WIPI1: variants seen among roughly 807,000 people sequenced by gnomAD.
The protein encoded by WIPI1 is WD repeat domain phosphoinositide-interacting protein 1.
In WIPI1, 45 loss-of-function variants were observed where a neutral mutation model predicts 55.3. That is an observed-to-expected ratio of 0.81 (90% CI 0.64 to 1.04). The LOEUF is 1.04. Ranked by LOEUF, WIPI1 falls within the 50% of genes least tolerant of loss-of-function variation. WIPI1 has a pLI of 0.00. For missense variants in WIPI1, 445 were observed against 559.0 expected (o/e 0.80, Z 2.06); for synonymous variants, 195 against 217.6 (o/e 0.90, Z 0.92).
In WIPI1 at chr17:68,438,085, A is replaced by G. The variant is rs372839797; in HGVS notation, c.431-1606T>C. ...CTCAACTAATCTGCTGAGGAAGGAG[A>G]GCAAAGGAAAAAGAAAGTAAACATT... On this transcript the variant is annotated intron_variant, in intron 4 of 12. Coordinates refer to ENST00000262139, the MANE Select transcript of WIPI1 (RefSeq NM_017983.7). 1.3e-4 allele frequency among the ~76,000 whole-genome samples: 20 copies of G among 152,184 alleles called. No individual in the cohort carries two copies. In the East Asian group the frequency reaches 1.5e-3, roughly 12 times the overall value.
intron 1 of WIPI1, among the ~76,000 whole-genome samples, chr17:68,454,137 C>G (rs892472475): frequency 6.6e-6 from 1 of 152,154 alleles, no homozygotes; most frequent in East Asian, 1.9e-4. Context: ...TCCAGATTTT[C>G]TTGGCCTTGT....
intron 3 of WIPI1, among the ~76,000 whole-genome samples, chr17:68,445,250 C>T (rs1291297220): frequency 2.0e-5 from 3 of 152,222 alleles, no homozygotes; most frequent in African/African-American, 4.8e-5. Flanking sequence ...ATCAGACCCC[C>T]TGTGCCATGT....
At position 68,423,522 on chromosome 17, in the gene WIPI1, T is replaced by C. The variant is rs2082947040; in HGVS notation, c.1294-1702A>G. 6.6e-6 allele frequency among the ~76,000 whole-genome samples: 1 copy of C among 152,218 alleles called. No individual in the cohort carries two copies. Among genetic ancestry groups the C allele is most frequent in the Admixed American group, 6.5e-5 (1 of 15,282 alleles). ...ACTCACAAGGGTCTAACACCTGTTCTAGGGACCTTGTTCAGTGACCACTCT... is the reference window on the plus strand; with the variant it reads ...ACTCACAAGGGTCTAACACCTGTTCCAGGGACCTTGTTCAGTGACCACTCT... On this transcript the variant is annotated intron_variant, in intron 12 of 12. Coordinates refer to ENST00000262139, the MANE Select transcript of WIPI1 (RefSeq NM_017983.7). This position sits in a 1 kb window ranked among gnomAD's most constrained non-coding sequence, Gnocchi z 4.4.
intron 12 of WIPI1, among the ~76,000 whole-genome samples, chr17:68,425,745 G>C (rs553076024): frequency 2.0e-5 from 3 of 152,134 alleles, no homozygotes; most frequent in Non-Finnish European, 2.9e-5. Context: ...GACAAGTCAC[G>C]TGTTCCTACC....
intron 1 of WIPI1, among the ~76,000 whole-genome samples, chr17:68,454,784 C>G (rs2084604698): frequency 6.6e-6 from 1 of 152,162 alleles, no homozygotes; most frequent in Non-Finnish European, 1.5e-5. Flanking sequence ...AATACTGTAA[C>G]TAGAGTCTTA....
At position 68,430,088 on chromosome 17, in the gene WIPI1, A is replaced by G. The variant is rs2147814501; in HGVS notation, c.873T>C (p.Pro291=). 1 of 1,614,162 alleles carries G rather than the reference A, an allele frequency of 6.2e-7. No homozygotes were observed. The highest frequency in any genetic ancestry group is 8.5e-7 in the Non-Finnish European group (1 of 1,180,026). ...GATGCATCATGTCTGACACCTGGGT[A>G]GGGAGGTAGTTGGTAGCAGCCATAA... ...KMFMAATNYL[P]TQVSDMMHQD... Residue 291 remains proline (P), a synonymous_variant, in exon 9 of 13, where the codon CCT becomes CCC. Coordinates refer to ENST00000262139, the MANE Select transcript of WIPI1 (RefSeq NM_017983.7).
chr17:68,424,620 A>G (rs1375220779), intron 12 of WIPI1: 1 of 442,586 alleles, frequency 2.3e-6, no homozygotes, highest in African/African-American at 2.0e-5. Context: ...TCACGCCTGT[A>G]ATCCTAGCAC....
rs1408762053 is a variant in WIPI1 at position 68,436,363 on chromosome 17, C to T, written c.528+19G>A. 1.2e-6 allele frequency: 2 copies of T among 1,612,114 alleles called. No individual in the cohort carries two copies. Among genetic ancestry groups the T allele is most frequent in the South Asian group, 1.1e-5 (1 of 91,028 alleles). On this transcript the variant is annotated intron_variant, in intron 5 of 12. Coordinates refer to ENST00000262139, the MANE Select transcript of WIPI1 (RefSeq NM_017983.7). ...GCCAAGGCAGGTGGGTTGGCTCAGC[C>T]AGGTCACCGTCAACTTACCAGGGAG...
At chr17:68,436,229 G>A (rs2082758506) in intron 5 of WIPI1, among the ~76,000 whole-genome samples, 153 bp downstream of exon 5, 2 of 152,176 alleles carry the variant, frequency 1.3e-5, no homozygotes, top group South Asian at 2.1e-4. Context: ...CAAGCCCGAG[G>A]GGAAATAGTA....
At chr17:68,454,728 G>T (rs958217115) in intron 1 of WIPI1, among the ~76,000 whole-genome samples, 1 of 152,216 alleles carries the variant, frequency 6.6e-6, no homozygotes, top group African/African-American at 2.4e-5. Context: ...ATATAGATGT[G>T]TTTGGCTGCG....
rs1309871891 is a variant in WIPI1, at chr17:68,435,651, G to C, written c.590C>G (p.Ser197Ter). 5 of 1,614,124 alleles carry C rather than the reference G, an allele frequency of 3.1e-6. No individual in the cohort carries two copies. The highest frequency in any genetic ancestry group is 4.2e-6 in the Non-Finnish European group (5 of 1,180,052). ...AGACGCACTTGCTAGTTTGGAGCCT[G>C]AGGCATTGAAGGTGATGGCAGCTAG... ...GTLAAITFNA[S>*]GSKLASASEK... The change falls in exon 6 of 13, where the codon TCA becomes TGA. Residue 197 changes from serine (S) to a stop codon, truncating the protein, a stop_gained. Transcript: ENST00000262139. LOFTEE classifies it high-confidence loss of function.
At chr17:68,437,067 AG>A (rs1045515343) in intron 4 of WIPI1, among the ~76,000 whole-genome samples, 7 of 145,846 alleles carry the variant, frequency 4.8e-5, no homozygotes, top group African/African-American at 1.8e-4. Context: ...ATTTTACCCC[AG>A]GACTCTGAAA....
chr17:68,442,766 C>G (rs1012605504), intron 4 of WIPI1, among the ~76,000 whole-genome samples: 1 of 152,154 alleles, frequency 6.6e-6, no homozygotes, highest in Non-Finnish European at 1.5e-5. Context: ...CAACTGTGTC[C>G]GCACCCCAGA....
chr17:68,439,517 G>A (rs78949113), intron 4 of WIPI1, among the ~76,000 whole-genome samples: 7,199 of 152,182 alleles, frequency 0.047, 180 homozygotes, highest in Middle Eastern at 0.099. Flanking sequence ...ACAAGGTTTG[G>A]GGCGATGAAA....
In WIPI1 at chr17:68,436,483, G is replaced by A; in HGVS notation, c.431-4C>T. On this transcript the variant is annotated splice_polypyrimidine_tract_variant and splice_region_variant and intron_variant, in intron 4 of 12. Transcript: ENST00000262139. ...TTGATAGAGAGAGCACATAGACCTG[G>A]CAAAGAAGAAACAGAACATGAGAAG... The A allele has an allele frequency of 6.2e-7, 1 of 1,613,440 alleles. No individual in the cohort carries two copies. Among genetic ancestry groups the A allele is most frequent in the South Asian group, 1.1e-5 (1 of 91,058 alleles).
At chr17:68,422,738 A>AG (rs1264222414) in intron 12 of WIPI1, 211 of 151,078 alleles carry the variant, frequency 1.4e-3, no homozygotes, top group African/African-American at 4.9e-3. Flanking sequence ...TCTCAAAAAA[A>AG]AAAAAAAAAA....
At chr17:68,435,843 G>A in intron 5 of WIPI1, 131 bp from the exon 6 acceptor site, 3 of 793,916 alleles carry the variant, frequency 3.8e-6, no homozygotes, top group East Asian at 2.7e-5. Flanking sequence ...TGTCCCCCAG[G>A]CCATCTGCAT....
intron 1 of WIPI1, among the ~76,000 whole-genome samples, chr17:68,455,198 CTA>C (rs1001860380): frequency 2.0e-5 from 3 of 151,822 alleles, no homozygotes; most frequent in African/African-American, 7.3e-5. Flanking sequence ...CCCGTCTCTA[CTA>C]AAAATACAAA....
chr17:68,424,027 A>G (rs74431513), intron 12 of WIPI1, among the ~76,000 whole-genome samples: 6 of 152,334 alleles, frequency 3.9e-5, no homozygotes, highest in Admixed American at 1.3e-4. Flanking sequence ...AGTGCTCTGG[A>G]TCCTGGAAGC....
Sources: allele counts gnomAD v4.1 joint callset (sites outside exome capture counted in the v4.1 genomes callset), GRCh38; gene constraint gnomAD v4.1.1; non-coding constraint Gnocchi (gnomAD v3.1); transcripts MANE v1.5; gene names NCBI Gene and HGNC (gene_info 2026-07-23, HGNC 2026-07-21).